Variants in PFKP observed in about 807,000 individuals in gnomAD.
The protein encoded by PFKP is phosphofructokinase, platelet, also known as ATP-dependent 6-phosphofructokinase, platelet type.
A neutral mutation model predicts 94.3 loss-of-function variants in PFKP; 101 were observed. That is an observed-to-expected ratio of 1.07 (90% CI 0.91 to 1.26). PFKP has a LOEUF of 1.26. PFKP is among the 50% of genes most tolerant of loss of function. The probability of loss-of-function intolerance (pLI) is 0.00; values close to 1 mark genes in which losing one functional copy is unlikely to be tolerated. For missense variants in PFKP, 1,145 were observed against 1,103.3 expected (o/e 1.04, Z -0.53); for synonymous variants, 573 against 432.6 (o/e 1.32, Z -4.03).
rs753573863 is a variant in PFKP, at chr10:3,103,893, C to T, written c.569C>T (p.Ala190Val). 6.2e-7 allele frequency: 1 copy of T among 1,613,982 alleles called. No individual in the cohort carries two copies. The highest frequency in any genetic ancestry group is 8.5e-7 in the Non-Finnish European group (1 of 1,180,040). The change falls in exon 5 of 22, where the codon GCC becomes GTC. Residue 190 changes from alanine (A) to valine (V), a missense_variant. This residue lies in a region of PFKP where 1,119 missense variants were observed against 1,062.8 expected (regional missense o/e 1.05). Coordinates refer to ENST00000381125, the MANE Select transcript of PFKP (RefSeq NM_002627.5). ...GTDMTIGTDS[A>V]LHRIIEVVDA... is the part of the protein sequence containing the mutation. ...GACATGACCATCGGCACGGACTCCG[C>T]CCTGCACAGGATCATCGAGGTCGTC...
At chr10:3,107,720 T>C in intron 8 of PFKP, 1 of 980,198 alleles carries the variant, frequency 1.0e-6, no homozygotes. Flanking sequence ...TGCCCTCCCA[T>C]AACCCAGAGC....
chr10:3,124,947 C>A, intron 16 of PFKP: 1 of 496,038 alleles, frequency 2.0e-6, no homozygotes, highest in Non-Finnish European at 2.8e-6. Context: ...GCACGGCCTC[C>A]AGAGCCTCCC....
At chr10:3,134,436 AGTG>A in intron 19 of PFKP, 44 bp from the exon 20 acceptor site, 1 of 1,020,382 alleles carries the variant, frequency 9.8e-7, no homozygotes, top group Non-Finnish European at 1.5e-6. Context: ...TTAACAGCAA[AGTG>A]TTACTGTATA....
intron 2 of PFKP, among the ~76,000 whole-genome samples, chr10:3,092,328 A>G (rs191229075): frequency 9.9e-5 from 15 of 152,254 alleles, no homozygotes; most frequent in African/African-American, 3.6e-4. Context: ...TCCCTTCTTT[A>G]GTTGGTCTCG....
In PFKP at chr10:3,109,623, G is replaced by C. The variant is rs534581985; in HGVS notation, c.1089+143G>C. 35 of 1,005,328 alleles carry C rather than the reference G, an allele frequency of 3.5e-5. No homozygotes were observed. In the African/African-American group the frequency reaches 5.2e-4, roughly 15 times the overall value. The allele number at this position is 1,005,328 out of a possible 1,614,324, so 62.3% of individuals were successfully genotyped here. A position where few individuals can be genotyped will look rare whatever the true frequency, so the allele number is the denominator to read the frequency against. On this transcript the variant is annotated intron_variant, in intron 10 of 21. Coordinates refer to ENST00000381125, the MANE Select transcript of PFKP (RefSeq NM_002627.5). ...TCTGAGAAGGAGGTGAGCTGCCCGT[G>C]GGGAGGGAGAAGGCTTATGTTCTCT...
At chr10:3,134,193 C>T (rs1464250047) in intron 19 of PFKP, among the ~76,000 whole-genome samples, 1 of 152,182 alleles carries the variant, frequency 6.6e-6, no homozygotes, top group Admixed American at 6.5e-5. Flanking sequence ...TGACCCATCC[C>T]CAGCTCAGAT....
At chr10:3,079,645 G>A (rs1229388830) in intron 1 of PFKP, among the ~76,000 whole-genome samples, 1 of 130,896 alleles carries the variant, frequency 7.6e-6, no homozygotes, top group African/African-American at 2.8e-5. Flanking sequence ...TGGGAACGAG[G>A]TCTTCAGAGA....
rs370960893 is a variant in PFKP at position 3,118,873 on chromosome 10, C to T, written c.1530+4C>T. On this transcript the variant is annotated splice_donor_region_variant and intron_variant, in intron 15 of 21. Transcript: ENST00000381125. ...GCTGATCATCGGTGGATTCGAGGTA[C>T]GTTACCGTTTCTCTCTTGCCGGTCT... is the stretch of plus-strand genomic sequence containing the variant. The T allele has an allele frequency of 1.4e-5, 22 of 1,608,638 alleles. No individual in the cohort carries two copies. The highest frequency in any genetic ancestry group is 5.0e-5 in the Admixed American group (3 of 59,784).
At chr10:3,081,450 A>G (rs911198618) in intron 1 of PFKP, among the ~76,000 whole-genome samples, 14 of 152,238 alleles carry the variant, frequency 9.2e-5, no homozygotes, top group Non-Finnish European at 5.9e-5. Context: ...TTAACTTTGC[A>G]GAGGAGGAAG....
chr10:3,080,530 A>T (rs1450478112), intron 1 of PFKP, among the ~76,000 whole-genome samples: 1 of 150,750 alleles, frequency 6.6e-6, no homozygotes, highest in East Asian at 1.9e-4. Context: ...AAAAAAAAAA[A>T]AAAAAAAAAA....
chr10:3,132,326 C>T (rs966398132), intron 17 of PFKP, 54 bp from the exon 18 acceptor site: 9 of 1,301,622 alleles, frequency 6.9e-6, no homozygotes, highest in Non-Finnish European at 1.0e-5. Flanking sequence ...GCCTGGCACA[C>T]AGTAGGTACT....
chr10:3,122,069 T>C (rs1168795314), intron 16 of PFKP, among the ~76,000 whole-genome samples: 2 of 83,170 alleles, frequency 2.4e-5, no homozygotes, highest in Admixed American at 1.2e-4. Flanking sequence ...GCAATCCCCC[T>C]GTCTTGGGCT....
intron 4 of PFKP, among the ~76,000 whole-genome samples, chr10:3,102,237 C>G (rs1376808759): frequency 1.3e-5 from 1 of 77,184 alleles, no homozygotes; most frequent in African/African-American, 4.7e-5. Flanking sequence ...GGCGACAGAG[C>G]GAGACTCTGT....
intron 1 of PFKP, among the ~76,000 whole-genome samples, chr10:3,081,416 A>T (rs1441688939): frequency 6.6e-6 from 1 of 152,232 alleles, no homozygotes; most frequent in Non-Finnish European, 1.5e-5. Context: ...CAGCATCTTT[A>T]GTTCTGACAG....
At chr10:3,135,589 G>A in intron 20 of PFKP, 147 bp from the exon 21 acceptor site, 1 of 581,798 alleles carries the variant, frequency 1.7e-6, no homozygotes, top group East Asian at 3.0e-5. Context: ...TGGCCCCACT[G>A]CGCGGCTGTT....
chr10:3,122,532 G>T (rs1837533989), intron 16 of PFKP, among the ~76,000 whole-genome samples: 1 of 152,256 alleles, frequency 6.6e-6, no homozygotes, highest in Non-Finnish European at 1.5e-5. Flanking sequence ...GGCCATAGAA[G>T]AACATGAGCT....
intron 2 of PFKP, among the ~76,000 whole-genome samples, chr10:3,098,402 G>A (rs983725530): frequency 2.6e-5 from 4 of 151,922 alleles, no homozygotes; most frequent in Admixed American, 1.3e-4. Context: ...TTGGCCAGGC[G>A]CGGTGGCTCA....
intron 21 of PFKP, 22 bp downstream of exon 21, chr10:3,135,860 A>C: frequency 2.1e-6 from 3 of 1,426,662 alleles, no homozygotes; most frequent in Non-Finnish European, 3.0e-6. Context: ...GGGTTCCCTG[A>C]GGCAATAAGA....
In PFKP at chr10:3,103,802, C is replaced by T. The variant is rs1835259290; in HGVS notation, c.478C>T (p.Gln160Ter). ...RNGQIDKEAV[Q>*]KYAYLNVVGM... ...AGGCCAGATCGATAAGGAGGCCGTG[C>T]AGAAGTACGCCTACCTCAACGTGGT... The change falls in exon 5 of 22, where the codon CAG becomes TAG. Residue 160 changes from glutamine to a stop codon, truncating the protein, a stop_gained. Transcript: ENST00000381125. LOFTEE classifies it high-confidence loss of function. 1 of 1,613,936 alleles carries T rather than the reference C, an allele frequency of 6.2e-7. No individual in the cohort carries two copies. Among genetic ancestry groups the T allele is most frequent in the Non-Finnish European group, 8.5e-7 (1 of 1,180,032 alleles).
Sources: allele counts gnomAD v4.1 joint callset (sites outside exome capture counted in the v4.1 genomes callset), GRCh38; gene constraint gnomAD v4.1.1; regional missense constraint gnomAD v4.1.1; transcripts MANE v1.5; gene names NCBI Gene and HGNC (gene_info 2026-07-23, HGNC 2026-07-21).